INSL6: variants seen among roughly 807,000 people sequenced by gnomAD.
The protein encoded by INSL6 is insulin like 6.
INSL6 carries 16 observed loss-of-function variants against 9.4 expected under a neutral mutation model. That is an observed-to-expected ratio of 1.70 (90% CI 1.15 to 2.59). The LOEUF (loss-of-function observed/expected upper bound fraction) is 2.59. INSL6 is among the 30% of genes most tolerant of loss of function. INSL6 has a pLI of 0.00. For synonymous variants in INSL6, 154 were observed against 96.9 expected, an observed-to-expected ratio of 1.59 and a Z score of -3.46; for missense variants, 391 against 257.3, an observed-to-expected ratio of 1.52 and a Z score of -3.56.
At chr9:5,104,293 C>G in the INSL6 span, among the ~76,000 whole-genome samples, 1 of 152,194 alleles carries the variant, frequency 6.6e-6, no homozygotes, top group Non-Finnish European at 1.5e-5. Context: ...CACCTCTACA[C>G]AAATAAACTA....
At chr9:5,090,308 TATCAC>T in the INSL6 span, 1 of 522,988 alleles carries the variant, frequency 1.9e-6, no homozygotes, top group Non-Finnish European at 3.0e-6. Flanking sequence ...TTAACAACTA[TATCAC>T]CTTTAATGTA....
At chr9:5,165,344 A>G (rs1435456668) in intron 1 of INSL6, among the ~76,000 whole-genome samples, 1 of 152,220 alleles carries the variant, frequency 6.6e-6, no homozygotes, top group African/African-American at 2.4e-5. Context: ...TGATGTTTTG[A>G]GGAACTGCCA....
At chr9:5,112,448 A>C in the INSL6 span, 4 of 530,994 alleles carry the variant, frequency 7.5e-6, no homozygotes, top group Non-Finnish European at 1.4e-5. Context: ...GAGGAGAAGA[A>C]GGAGCTGAAG....
chr9:5,008,435 C>A, the INSL6 span, among the ~76,000 whole-genome samples: 1 of 152,114 alleles, frequency 6.6e-6, no homozygotes, highest in East Asian at 1.9e-4. Context: ...AAAGGGCTGG[C>A]ACTTTTGGTG....
the INSL6 span, chr9:5,109,609 T>C: frequency 6.6e-6 from 1 of 152,186 alleles, no homozygotes; most frequent in South Asian, 2.1e-4. Context: ...AAAATAGCCA[T>C]CACATGCGCC....
chr9:5,144,050 A>C (rs1252075206), intron 2 of INSL6, among the ~76,000 whole-genome samples: 2 of 151,778 alleles, frequency 1.3e-5, no homozygotes, highest in Admixed American at 6.6e-5. Flanking sequence ...CTAGCTTTGG[A>C]ATTTGTTTGC....
chr9:5,171,579 C>T (rs751877726), intron 1 of INSL6, among the ~76,000 whole-genome samples: 11 of 151,630 alleles, frequency 7.3e-5, no homozygotes, highest in Admixed American at 1.3e-4. Context: ...ATAGACACCC[C>T]ATCTAGAACA....
At chr9:5,041,960 C>T in the INSL6 span, 1 of 378,484 alleles carries the variant, frequency 2.6e-6, no homozygotes, top group East Asian at 6.9e-5. Context: ...CTTCTCCGTG[C>T]GGCCCCTTGG....
At chr9:5,022,542 A>G in the INSL6 span, among the ~76,000 whole-genome samples, 3 of 152,210 alleles carry the variant, frequency 2.0e-5, no homozygotes, top group Non-Finnish European at 2.9e-5. Flanking sequence ...AGCAACATGA[A>G]AGCAAAAAAT....
At chr9:5,030,102 C>G in the INSL6 span, among the ~76,000 whole-genome samples, 1 of 152,106 alleles carries the variant, frequency 6.6e-6, no homozygotes, top group Admixed American at 6.5e-5. Flanking sequence ...AAGTAGAATA[C>G]TCTGAGAATA....
At chr9:5,184,004 C>T (rs924263245) in intron 1 of INSL6, among the ~76,000 whole-genome samples, 1 of 152,150 alleles carries the variant, frequency 6.6e-6, no homozygotes, top group African/African-American at 2.4e-5. Context: ...AGAGACACTT[C>T]CTTCATTATA....
chr9:5,078,322 T>G, the INSL6 span: 1 of 1,612,296 alleles, frequency 6.2e-7, no homozygotes, highest in Non-Finnish European at 8.5e-7. Flanking sequence ...AACACCCTTA[T>G]TCATGGGAAT....
At chr9:5,087,067 C>T in the INSL6 span, among the ~76,000 whole-genome samples, 1 of 152,140 alleles carries the variant, frequency 6.6e-6, no homozygotes, top group Non-Finnish European at 1.5e-5. Context: ...TTATTGTTTT[C>T]ATTGAAAATT....
chr9:5,067,315 T>A, the INSL6 span, among the ~76,000 whole-genome samples: 2 of 152,148 alleles, frequency 1.3e-5, no homozygotes, highest in Non-Finnish European at 2.9e-5. Context: ...AAAACTGCAA[T>A]GAAACCCCAC....
the INSL6 span, chr9:5,081,579 A>C: frequency 8.4e-6 from 5 of 595,126 alleles, no homozygotes; most frequent in Non-Finnish European, 1.5e-5. Flanking sequence ...AAAGGCTCCC[A>C]TTAATATAAT....
downstream of INSL6, among the ~76,000 whole-genome samples, chr9:5,163,458 T>A (rs1283896479): frequency 6.6e-6 from 1 of 152,176 alleles, no homozygotes; most frequent in African/African-American, 2.4e-5. Context: ...TAACTACTAT[T>A]ACAGCACAAG....
the INSL6 span, among the ~76,000 whole-genome samples, chr9:5,000,240 A>T: frequency 2.6e-5 from 4 of 152,004 alleles, no homozygotes; most frequent in South Asian, 2.1e-4. Flanking sequence ...TTTCACTTAG[A>T]TGTGGGGTTT....
At chr9:5,102,339 G>GA in the INSL6 span, among the ~76,000 whole-genome samples, 1 of 152,036 alleles carries the variant, frequency 6.6e-6, no homozygotes, top group Non-Finnish European at 1.5e-5. Context: ...GAAGTTTAGA[G>GA]AAAAAAGAGT....
the INSL6 span, among the ~76,000 whole-genome samples, chr9:5,005,779 G>T: frequency 6.6e-6 from 1 of 152,120 alleles, no homozygotes; most frequent in South Asian, 2.1e-4. Context: ...CAAAGTCACT[G>T]GGCATTACAT....
Sources: allele counts gnomAD v4.1 joint callset (sites outside exome capture counted in the v4.1 genomes callset), GRCh38; gene constraint gnomAD v4.1.1; transcripts MANE v1.5; gene names NCBI Gene and HGNC (gene_info 2026-07-23, HGNC 2026-07-21).